Variants in CYP20A1 observed in about 807,000 individuals in gnomAD.
CYP20A1 encodes cytochrome P450 20A1.
CYP20A1 carries 61 observed loss-of-function variants against 61.4 expected under a neutral mutation model. That is an observed-to-expected ratio of 0.99 (90% CI 0.81 to 1.23). CYP20A1 has a LOEUF of 1.23. Among genes scored for constraint, CYP20A1 ranks in the 50% most tolerant of loss-of-function variants. The pLI is 0.00. For missense variants in CYP20A1, 530 were observed against 542.4 expected, an observed-to-expected ratio of 0.98 and a Z score of 0.23; for synonymous variants, 193 against 188.2, an observed-to-expected ratio of 1.03 and a Z score of -0.21.
At chr2:203,249,081 A>G (rs907001991) in intron 3 of CYP20A1, among the ~76,000 whole-genome samples, 1 of 152,226 alleles carries the variant, frequency 6.6e-6, no homozygotes, top group African/African-American at 2.4e-5. Context: ...TAATACAAGA[A>G]AACATGGTTA....
In CYP20A1 at chr2:203,302,998, TTTTA is replaced by T. The variant is rs1045283312; in HGVS notation, c.*6106_*6109del. On this transcript the variant is annotated 3_prime_UTR_variant, in exon 13 of 13. Transcript: ENST00000356079. ...GAGCCACCGCGCTCGGTCCCTTTCT[TTTTA>T]TTTATTTATTTATTTTGAGATGGAG... 3.3e-5 allele frequency among the ~76,000 whole-genome samples: 5 copies of T among 151,292 alleles called. No individual in the cohort carries two copies. Among genetic ancestry groups the T allele is most frequent in the African/African-American group, 7.3e-5 (3 of 41,220 alleles).
chr2:203,267,098 G>T (rs999179338), intron 5 of CYP20A1, among the ~76,000 whole-genome samples: 1 of 151,792 alleles, frequency 6.6e-6, no homozygotes, highest in Non-Finnish European at 1.5e-5. Flanking sequence ...GGAGTTCAAG[G>T]CTACAGAGAG....
At chr2:203,261,847 G>A (rs1310056046) in intron 4 of CYP20A1, among the ~76,000 whole-genome samples, 1 of 151,936 alleles carries the variant, frequency 6.6e-6, no homozygotes, top group Non-Finnish European at 1.5e-5. Context: ...CCTCTAGGGT[G>A]GTGGGGAAAG....
Position 203,301,057 on chromosome 2 carries a change from G to A in CYP20A1, c.*4149G>A, listed in dbSNP as rs886364240. The stretch of plus-strand genomic sequence containing the variant: ...ACTAAAAATACAAAATTAGCCGGGC[G>A]TGGTGGCACATGCCTTTAATCCCAG... On this transcript the variant is annotated 3_prime_UTR_variant, in exon 13 of 13. Coordinates refer to ENST00000356079, the MANE Select transcript of CYP20A1 (RefSeq NM_177538.3). Among the ~76,000 whole-genome samples the A allele has an allele frequency of 2.6e-5, 4 of 151,652 alleles. No individual in the cohort carries two copies. The highest frequency in any genetic ancestry group is 2.1e-4 in the South Asian group (1 of 4,810).
chr2:203,269,232 A>G (rs1015500155), intron 5 of CYP20A1, among the ~76,000 whole-genome samples: 1 of 151,810 alleles, frequency 6.6e-6, no homozygotes, highest in African/African-American at 2.4e-5. Context: ...ACTTGAGCCT[A>G]GAAGTTCAAG....
chr2:203,294,140 A>G (rs994600951), intron 11 of CYP20A1, among the ~76,000 whole-genome samples: 1 of 152,048 alleles, frequency 6.6e-6, no homozygotes, highest in African/African-American at 2.4e-5. Context: ...ATACGCTACC[A>G]TGCCTGGCTA....
At chr2:203,294,934 TAAA>T (rs1208377877) in intron 11 of CYP20A1, among the ~76,000 whole-genome samples, 1 of 77,030 alleles carries the variant, frequency 1.3e-5, no homozygotes, top group African/African-American at 3.7e-5. Context: ...GCCCAGCCTT[TAAA>T]AAAATTTTTT....
intron 4 of CYP20A1, among the ~76,000 whole-genome samples, chr2:203,259,122 T>G (rs2067029918): frequency 6.6e-6 from 1 of 152,224 alleles, no homozygotes; most frequent in Non-Finnish European, 1.5e-5. Context: ...TTTCTGTTGT[T>G]CCATATTCCA....
chr2:203,290,402 T>C (rs1181999185), intron 10 of CYP20A1, among the ~76,000 whole-genome samples: 2 of 152,238 alleles, frequency 1.3e-5, no homozygotes, highest in East Asian at 1.9e-4. Context: ...CAGTTTAGTA[T>C]GTATTTTTAT....
In CYP20A1 at chr2:203,299,559, A is replaced by AT. The variant is rs1159487374; in HGVS notation, c.*2659dup. ...GCAGTCTGTATTTTTGAAAAAAAAA[A>AT]TTTTTTTTGGAATAACTTAAATTCT... On this transcript the variant is annotated 3_prime_UTR_variant, in exon 13 of 13. Coordinates refer to ENST00000356079, the MANE Select transcript of CYP20A1 (RefSeq NM_177538.3). Among the ~76,000 whole-genome samples, 4 of 152,046 alleles carry AT rather than the reference A, an allele frequency of 2.6e-5. No individual in the cohort carries two copies. Among genetic ancestry groups the AT allele is most frequent in the East Asian group, 3.9e-4 (2 of 5,182 alleles).
At chr2:203,244,276 A>G (rs955346518) in intron 1 of CYP20A1, among the ~76,000 whole-genome samples, 1 of 152,018 alleles carries the variant, frequency 6.6e-6, no homozygotes, top group Non-Finnish European at 1.5e-5. Context: ...ATCACAGCTC[A>G]CTGCAACCTC....
At chr2:203,241,749 C>G (rs2066261775) in intron 1 of CYP20A1, among the ~76,000 whole-genome samples, 1 of 152,240 alleles carries the variant, frequency 6.6e-6, no homozygotes, top group Non-Finnish European at 1.5e-5. Context: ...ATTGTAACCT[C>G]AAACTCCTGG....
At chr2:203,265,769 C>A (rs2067298961) in intron 4 of CYP20A1, among the ~76,000 whole-genome samples, 1 of 152,156 alleles carries the variant, frequency 6.6e-6, no homozygotes, top group Admixed American at 6.6e-5. Context: ...TGGCTCATTG[C>A]AGCCCCGGTC....
intron 4 of CYP20A1, among the ~76,000 whole-genome samples, chr2:203,261,566 G>A (rs2067138148): frequency 7.9e-6 from 1 of 126,366 alleles, no homozygotes; most frequent in South Asian, 2.8e-4. Context: ...CATGATCACT[G>A]CGCACTGCAT....
At chr2:203,286,827 A>G (rs2068292161) in intron 9 of CYP20A1, among the ~76,000 whole-genome samples, 2 of 152,110 alleles carry the variant, frequency 1.3e-5, no homozygotes, top group South Asian at 2.1e-4. Context: ...ACCTTAATTT[A>G]ATTTTTTTTT....
chr2:203,240,833 T>C (rs983793677), intron 1 of CYP20A1, among the ~76,000 whole-genome samples: 2 of 152,200 alleles, frequency 1.3e-5, no homozygotes, highest in Admixed American at 1.3e-4. Flanking sequence ...TAATGGACTT[T>C]TGCTGTGTGC....
At chr2:203,273,135 G>T (rs2067674678) in intron 6 of CYP20A1, among the ~76,000 whole-genome samples, 1 of 152,106 alleles carries the variant, frequency 6.6e-6, no homozygotes, top group Non-Finnish European at 1.5e-5. Context: ...ATGTGCCACT[G>T]TGCCCGGCCT....
chr2:203,278,449 C>A (rs892037326), intron 6 of CYP20A1, 124 bp from the exon 7 acceptor site: 3 of 480,502 alleles, frequency 6.2e-6, no homozygotes, highest in African/African-American at 6.0e-5. Context: ...AATTAGCTTT[C>A]TTTGTTGTTG....
chr2:203,268,296 G>A (rs2067416764), intron 5 of CYP20A1, among the ~76,000 whole-genome samples: 1 of 152,136 alleles, frequency 6.6e-6, no homozygotes, highest in African/African-American at 2.4e-5. Flanking sequence ...TGGATTCTCA[G>A]TCTCCTCCCC....
Sources: gnomAD v4.1 joint callset for allele counts (sites outside exome capture counted in the v4.1 genomes callset) on GRCh38, gnomAD v4.1.1 for gene constraint, MANE v1.5 for transcripts, NCBI Gene and HGNC (gene_info 2026-07-23, HGNC 2026-07-21) for gene names.